The following GALNTL6 variants were observed in gnomAD, a reference collection of about 807,000 sequenced individuals.
GALNTL6 encodes the protein polypeptide N-acetylgalactosaminyltransferase-like 6.
Under a neutral mutation model 73.7 loss-of-function variants are expected in GALNTL6, and 46 were observed. That is an observed-to-expected ratio of 0.62 (90% confidence interval 0.49 to 0.80). The LOEUF is 0.80. GALNTL6 is among the 30% of genes least tolerant of loss of function. The pLI is 0.00. For missense variants in GALNTL6, 604 were observed against 755.0 expected (o/e 0.80, Z 2.34); for synonymous variants, 259 against 263.7 (o/e 0.98, Z 0.17).
At chr4:173,008,232 T>G (rs1175760242) in intron 10 of GALNTL6, among the ~76,000 whole-genome samples, 3 of 152,194 alleles carry the variant, frequency 2.0e-5, no homozygotes, top group Non-Finnish European at 4.4e-5. Flanking sequence ...AACTGCAACA[T>G]CCGCCTCATA....
At chr4:172,399,272 T>A (rs1743956276) in intron 5 of GALNTL6, among the ~76,000 whole-genome samples, 1 of 152,082 alleles carries the variant, frequency 6.6e-6, no homozygotes, top group Non-Finnish European at 1.5e-5. Flanking sequence ...TTATAAAAAG[T>A]TAACAGTGTT....
chr4:172,480,514 A>G (rs534046018), intron 5 of GALNTL6, among the ~76,000 whole-genome samples: 25 of 152,346 alleles, frequency 1.6e-4, no homozygotes, highest in Middle Eastern at 6.8e-3. Context: ...GATGTAAAAG[A>G]CAAAATACTA....
intron 3 of GALNTL6, among the ~76,000 whole-genome samples, chr4:172,243,651 T>C (rs1362749067): frequency 6.6e-6 from 1 of 152,146 alleles, no homozygotes; most frequent in Non-Finnish European, 1.5e-5. Flanking sequence ...TTACTGCAAA[T>C]TGCCGTAGAT....
intron 5 of GALNTL6, among the ~76,000 whole-genome samples, chr4:172,789,209 T>G (rs1446669100): frequency 6.6e-6 from 1 of 152,162 alleles, no homozygotes; most frequent in Non-Finnish European, 1.5e-5. Context: ...AACTTCTGAT[T>G]GGCCGGCTTC....
At chr4:172,403,560 G>A (rs1744114646) in intron 5 of GALNTL6, among the ~76,000 whole-genome samples, 1 of 151,870 alleles carries the variant, frequency 6.6e-6, no homozygotes, top group Non-Finnish European at 1.5e-5. Context: ...TAAATAACTA[G>A]ATTTCATTAC....
intron 5 of GALNTL6, among the ~76,000 whole-genome samples, chr4:172,591,278 T>C (rs537054986): frequency 2.0e-5 from 3 of 152,334 alleles, no homozygotes; most frequent in African/African-American, 7.2e-5. Flanking sequence ...TTATTATTAA[T>C]GTACAGAGAT....
intron 9 of GALNTL6, among the ~76,000 whole-genome samples, chr4:172,944,203 G>A (rs947582116): frequency 6.6e-6 from 1 of 152,140 alleles, no homozygotes; most frequent in Non-Finnish European, 1.5e-5. Flanking sequence ...ACTGAAAAGA[G>A]ATATTTGCAA....
chr4:172,502,973 C>T (rs1480940204), intron 5 of GALNTL6, among the ~76,000 whole-genome samples: 2 of 152,108 alleles, frequency 1.3e-5, no homozygotes, highest in East Asian at 1.9e-4. Context: ...CTAAATATTA[C>T]AGAAATCTCG....
intron 3 of GALNTL6, among the ~76,000 whole-genome samples, chr4:172,289,998 C>G (rs528765794): frequency 6.6e-6 from 1 of 152,154 alleles, no homozygotes; most frequent in Admixed American, 6.5e-5. Context: ...AGTTATTTTC[C>G]TAGGATTCAG....
At chr4:172,306,172 T>C (rs1740130637) in intron 3 of GALNTL6, among the ~76,000 whole-genome samples, 1 of 152,124 alleles carries the variant, frequency 6.6e-6, no homozygotes, top group Middle Eastern at 3.2e-3. Flanking sequence ...GAAAGTAACC[T>C]GAGGCCAGAA....
intron 3 of GALNTL6, among the ~76,000 whole-genome samples, chr4:172,308,135 C>T (rs1441058690): frequency 5.0e-5 from 7 of 141,030 alleles, no homozygotes; most frequent in Non-Finnish European, 1.1e-4. Flanking sequence ...TTTTGTATAC[C>T]GAAACTTTAC....
At chr4:171,839,955 C>G (rs1218345028) in intron 2 of GALNTL6, among the ~76,000 whole-genome samples, 1 of 152,074 alleles carries the variant, frequency 6.6e-6, no homozygotes, top group Non-Finnish European at 1.5e-5. Flanking sequence ...TCATCCTACT[C>G]CATTGTAATT....
At chr4:172,052,921 G>T (rs1034764518) in intron 2 of GALNTL6, among the ~76,000 whole-genome samples, 1 of 152,040 alleles carries the variant, frequency 6.6e-6, no homozygotes. Flanking sequence ...AGTTATACTT[G>T]CCCTTTCTCT....
chr4:172,886,214 A>C (rs956529846), intron 8 of GALNTL6, among the ~76,000 whole-genome samples: 18 of 152,198 alleles, frequency 1.2e-4, no homozygotes, highest in African/African-American at 4.3e-4. Context: ...CTTTGATTTC[A>C]TTATTCCTTA....
intron 2 of GALNTL6, among the ~76,000 whole-genome samples, chr4:172,091,883 G>T (rs1353490659): frequency 6.6e-6 from 1 of 152,104 alleles, no homozygotes; most frequent in African/African-American, 2.4e-5. Flanking sequence ...AAACAAAAAA[G>T]TCATAAATAT....
rs1733699044 is a variant in GALNTL6, at chr4:172,138,486, TATATATATATATATATA to T, written c.139-91169_139-91153del. On this transcript the variant is annotated intron_variant, in intron 2 of 12. Transcript: ENST00000506823. The stretch of plus-strand genomic sequence containing the variant: ...AATTTACTTGGACTGCCTATATATA[TATATATATATATATATA>T]TATATATATATTTTTTTTTTTTTTT... Among the ~76,000 whole-genome samples, 3 of 5,508 alleles carry T rather than the reference TATATATATATATATATA, an allele frequency of 5.4e-4. No individual in the cohort carries two copies. In the East Asian group the frequency reaches 9.8e-3, roughly 18 times the overall value. The allele number at this position is 5,508 out of a possible 152,430, so 3.6% of individuals were successfully genotyped here. A position where few individuals can be genotyped will look rare whatever the true frequency, so the allele number is the denominator to read the frequency against.
chr4:172,598,679 A>C (rs1465338552), intron 5 of GALNTL6, among the ~76,000 whole-genome samples: 1 of 152,100 alleles, frequency 6.6e-6, no homozygotes, highest in African/African-American at 2.4e-5. Context: ...GGTACCTATC[A>C]TCCAAACACA....
intron 5 of GALNTL6, among the ~76,000 whole-genome samples, chr4:172,415,681 G>A (rs757031575): frequency 5.3e-5 from 8 of 152,056 alleles, no homozygotes; most frequent in African/African-American, 1.2e-4. Context: ...GCGGACTCAC[G>A]TCTCCAAAAA....
intron 5 of GALNTL6, among the ~76,000 whole-genome samples, chr4:172,570,802 A>G (rs1341284861): frequency 6.6e-6 from 1 of 152,186 alleles, no homozygotes; most frequent in Non-Finnish European, 1.5e-5. Flanking sequence ...CTAATGCAGA[A>G]TCAGTGGGAG....
Sources: gnomAD v4.1 joint callset for allele counts (sites outside exome capture counted in the v4.1 genomes callset) on GRCh38, gnomAD v4.1.1 for gene constraint, MANE v1.5 for transcripts, NCBI Gene and HGNC (gene_info 2026-07-23, HGNC 2026-07-21) for gene names.